Variants in RARS2 observed in about 807,000 individuals in gnomAD.
RARS2 encodes the protein probable arginine--tRNA ligase, mitochondrial.
Under a neutral mutation model 88.5 loss-of-function variants are expected in RARS2, and 67 were observed. The ratio of observed to expected loss-of-function variants is 0.76; its 90% CI spans 0.62 to 0.93. The LOEUF (loss-of-function observed/expected upper bound fraction) is 0.93. Ranked by LOEUF, RARS2 falls within the 40% of genes least tolerant of loss-of-function variation. RARS2 has a pLI of 0.00. For synonymous variants in RARS2, 239 were observed against 230.3 expected (o/e 1.04, Z -0.34); for missense variants, 664 against 684.2 (o/e 0.97, Z 0.33).
At position 87,521,516 on chromosome 6, in the gene RARS2, G is replaced by C. The variant is rs1054256403; in HGVS notation, c.983C>G (p.Ala328Gly). Residue 328 changes from alanine (A) to glycine (G), a missense_variant, in exon 12 of 20, where the codon GCA (alanine) becomes GGA (glycine). Coordinates refer to ENST00000369536, the MANE Select transcript of RARS2 (RefSeq NM_020320.5). ...GTSLYATRDL[A>G]AAIDRMDKYN... ...CTTGTCCATTCGATCTATAGCAGCTGCAAGATCTCTGAAACAAAGTGGCCA... is the reference window on the plus strand; with the variant it reads ...CTTGTCCATTCGATCTATAGCAGCTCCAAGATCTCTGAAACAAAGTGGCCA... 4 of 1,611,906 alleles carry C rather than the reference G, an allele frequency of 2.5e-6. No homozygotes were observed. In the African/African-American group the frequency reaches 4.0e-5, roughly 16 times the overall value.
At chr6:87,530,594 A>G (rs756630357) in intron 9 of RARS2, among the ~76,000 whole-genome samples, 190 bp downstream of exon 9, 2 of 152,194 alleles carry the variant, frequency 1.3e-5, no homozygotes, top group African/African-American at 2.4e-5. Flanking sequence ...AAGTATGAGA[A>G]TATCACCTGA....
chr6:87,534,082 CTTCA>C (rs142236083), intron 8 of RARS2, among the ~76,000 whole-genome samples: 19,732 of 152,130 alleles, frequency 0.13, 1,402 homozygotes, highest in African/African-American at 0.19. Flanking sequence ...ATTTGAACAA[CTTCA>C]TTATGTTTAA....
chr6:87,518,475 A>ATT (rs71018027), intron 16 of RARS2, 155 bp downstream of exon 16: 263 of 1,078,948 alleles, frequency 2.4e-4, no homozygotes, highest in Middle Eastern at 6.7e-4. Context: ...TGCTCAATAA[A>ATT]TTTTTTTTTT....
intron 11 of RARS2, 115 bp downstream of exon 11, chr6:87,524,442 A>G (rs960785742): frequency 6.9e-6 from 6 of 869,988 alleles, no homozygotes; most frequent in African/African-American, 1.6e-5. Context: ...TTTACAGTTT[A>G]TAGAATAATG....
In RARS2 at chr6:87,530,835, C is replaced by G. The variant is rs1562101559; in HGVS notation, c.720G>C (p.Leu240=). The G allele has an allele frequency of 7.4e-6, 12 of 1,614,188 alleles. No individual in the cohort carries two copies. The highest frequency in any genetic ancestry group is 1.0e-5 in the Non-Finnish European group (12 of 1,180,020). The change falls in exon 9 of 20, where the codon CTG becomes CTC. Residue 240 remains leucine, a synonymous_variant. Coordinates refer to ENST00000369536, the MANE Select transcript of RARS2 (RefSeq NM_020320.5). Reference sequence around the variant, plus strand: ...TGCTCAAGTCCCGAAATTTTTGCCACAGTGAAAGTGCTTGCACATCGCCCA... The same window carrying G: ...TGCTCAAGTCCCGAAATTTTTGCCAGAGTGAAAGTGCTTGCACATCGCCCA... ...LELGDVQALS[L]WQKFRDLSIE...
chr6:87,570,335 C>A (rs144405085), intron 1 of RARS2, among the ~76,000 whole-genome samples: 192 of 152,220 alleles, frequency 1.3e-3, no homozygotes, highest in African/African-American at 3.9e-3. Flanking sequence ...GCTCCTCGCA[C>A]GACTGTTAAT....
intron 1 of RARS2, among the ~76,000 whole-genome samples, chr6:87,575,894 A>T (rs190934098): frequency 1.8e-4 from 27 of 151,196 alleles, no homozygotes; most frequent in Admixed American, 1.4e-3. Context: ...GCTCACTGCA[A>T]CCTCTGCCTC....
rs1282089402 is a variant in RARS2, at chr6:87,519,717, T to TG, written c.1113-11dup. The TG allele has an allele frequency of 1.2e-5, 19 of 1,613,760 alleles. No individual in the cohort carries two copies. In the African/African-American group the frequency reaches 1.6e-4, roughly 14 times the overall value. Reference sequence around the variant, plus strand: ...GGGCACGTGCTGGCACCTAAAAGAGTGGGCATCTAGTTAACTGAAAGCTAA... The same window carrying TG: ...GGGCACGTGCTGGCACCTAAAAGAGTGGGGCATCTAGTTAACTGAAAGCTAA... On this transcript the variant is annotated splice_polypyrimidine_tract_variant and intron_variant, in intron 13 of 19. Coordinates refer to ENST00000369536, the MANE Select transcript of RARS2 (RefSeq NM_020320.5).
In RARS2 at chr6:87,562,718, C is replaced by T. The variant is rs1788211002; in HGVS notation, c.281G>A (p.Arg94Lys). The T allele has an allele frequency of 1.2e-6, 2 of 1,610,346 alleles. No individual in the cohort carries two copies. The highest frequency in any genetic ancestry group is 1.7e-6 in the Non-Finnish European group (2 of 1,176,694). Reference sequence around the variant, plus strand: ...TATTCTTACCTTTGTTAAGAGCTCTCTGTTTATTTTGAAATTTACAGTCCT... The same window carrying T: ...TATTCTTACCTTTGTTAAGAGCTCTTTGTTTATTTTGAAATTTACAGTCCT... Reference protein sequence around the residue: ...GQRTVNFKINRELLTKTVLQQ... With the variant: ...GQRTVNFKINKELLTKTVLQQ... The change falls in exon 4 of 20, where the codon AGA (arginine) becomes AAA (lysine). Residue 94 changes from arginine (R) to lysine (K), a missense_variant. Coordinates refer to ENST00000369536, the MANE Select transcript of RARS2 (RefSeq NM_020320.5).
At position 87,569,584 on chromosome 6, in the gene RARS2, TGGAAAGCTAAAAATCAAAA is replaced by T. The variant is rs1768980842; in HGVS notation, c.37-13_42del. ...TTTTCTGGTGGAAGATTCAACACTC[TGGAAAGCTAAAAATCAAAA>T]AGAACAAAACAGTGTAAGATTGTTC... On this transcript the variant is annotated splice_acceptor_variant and splice_polypyrimidine_tract_variant and coding_sequence_variant and intron_variant, in exon 2 of 20. Coordinates refer to ENST00000369536, the MANE Select transcript of RARS2 (RefSeq NM_020320.5). LOFTEE classifies it high-confidence loss of function. 1 of 1,605,294 alleles carries T rather than the reference TGGAAAGCTAAAAATCAAAA, an allele frequency of 6.2e-7. No individual in the cohort carries two copies. The highest frequency in any genetic ancestry group is 1.3e-5 in the African/African-American group (1 of 74,662).
intron 8 of RARS2, among the ~76,000 whole-genome samples, chr6:87,531,237 A>G (rs1777440023): frequency 6.6e-6 from 1 of 152,216 alleles, no homozygotes; most frequent in Admixed American, 6.5e-5. Context: ...ATGGAGGAAA[A>G]TACTCAATTT....
intron 18 of RARS2, among the ~76,000 whole-genome samples, chr6:87,515,317 C>G (rs890963910): frequency 6.6e-5 from 10 of 151,970 alleles, no homozygotes; most frequent in African/African-American, 2.4e-4. Context: ...GTCAGGAGAT[C>G]GAGACCATCC....
chr6:87,551,054 A>G (rs1345881457), intron 5 of RARS2, among the ~76,000 whole-genome samples: 1 of 152,108 alleles, frequency 6.6e-6, no homozygotes, highest in Non-Finnish European at 1.5e-5. Context: ...AAAAACAAAA[A>G]AAAACTTTCA....
At chr6:87,541,311 G>C (rs1257545647) in intron 8 of RARS2, among the ~76,000 whole-genome samples, 1 of 152,028 alleles carries the variant, frequency 6.6e-6, no homozygotes, top group Non-Finnish European at 1.5e-5. Context: ...CCAGTAACTA[G>C]GACTACAGGC....
intron 12 of RARS2, 101 bp downstream of exon 12, chr6:87,521,361 CTT>C: frequency 1.1e-6 from 1 of 900,700 alleles, no homozygotes; most frequent in Admixed American, 2.0e-5. Flanking sequence ...TTAATGTTGA[CTT>C]CTCTCTGTAG....
At chr6:87,528,023 C>T (rs1173342131) in intron 10 of RARS2, among the ~76,000 whole-genome samples, 2 of 146,378 alleles carry the variant, frequency 1.4e-5, no homozygotes, top group Non-Finnish European at 3.0e-5. Context: ...CATTAACCTA[C>T]GTAACAAATC....
At chr6:87,525,919 A>G (rs936940438) in intron 10 of RARS2, among the ~76,000 whole-genome samples, 6 of 152,220 alleles carry the variant, frequency 3.9e-5, no homozygotes, top group Non-Finnish European at 7.3e-5. Flanking sequence ...CCCATTTATA[A>G]TAACATCAAC....
chr6:87,553,821 G>C (rs1785029109), intron 5 of RARS2, among the ~76,000 whole-genome samples: 1 of 152,128 alleles, frequency 6.6e-6, no homozygotes, highest in Non-Finnish European at 1.5e-5. Flanking sequence ...TCATAATTGT[G>C]GTGTACTGGC....
intron 5 of RARS2, 91 bp downstream of exon 5, chr6:87,555,317 T>A (rs1785530981): frequency 1.0e-6 from 1 of 969,290 alleles, no homozygotes; most frequent in Non-Finnish European, 1.6e-6. Context: ...TTCCACATGT[T>A]ATTTATTAAG....
Sources: gnomAD v4.1 joint callset for allele counts (sites outside exome capture counted in the v4.1 genomes callset) on GRCh38, gnomAD v4.1.1 for gene constraint, MANE v1.5 for transcripts, NCBI Gene and HGNC (gene_info 2026-07-23, HGNC 2026-07-21) for gene names.